C12orf42: variants seen among roughly 807,000 people sequenced by gnomAD.
C12orf42 encodes uncharacterized protein C12orf42.
Under a neutral mutation model 21.6 loss-of-function variants are expected in C12orf42, and 25 were observed. The ratio of observed to expected loss-of-function variants is 1.16; its 90% CI spans 0.84 to 1.62. The LOEUF is 1.62. Among genes scored for constraint, C12orf42 ranks in the 40% most tolerant of loss-of-function variants. The pLI is 0.00. For synonymous variants in C12orf42, 174 were observed against 175.0 expected (o/e 0.99, Z 0.05); for missense variants, 483 against 459.3 (o/e 1.05, Z -0.47).
intron 10 of C12orf42, among the ~76,000 whole-genome samples, chr12:103,238,673 G>C (rs2033574189): frequency 6.6e-6 from 1 of 152,206 alleles, no homozygotes; most frequent in Non-Finnish European, 1.5e-5. Flanking sequence ...CCATCCTTGG[G>C]AGAGATTATG....
At chr12:103,478,317 A>G (rs752658419) in intron 2 of C12orf42, 32 bp downstream of exon 2, 3 of 1,459,726 alleles carry the variant, frequency 2.1e-6, no homozygotes, top group Non-Finnish European at 1.9e-6. Flanking sequence ...ACCTAAAAAA[A>G]GTAAGAAAAT....
At chr12:103,054,816 C>T in the C12orf42 span, among the ~76,000 whole-genome samples, 2 of 151,868 alleles carry the variant, frequency 1.3e-5, no homozygotes, top group Admixed American at 1.3e-4. Flanking sequence ...AGCCTTTCTA[C>T]ACGATTGATA....
chr12:103,433,935 C>T (rs146897115), intron 2 of C12orf42, among the ~76,000 whole-genome samples: 2 of 152,284 alleles, frequency 1.3e-5, no homozygotes, highest in East Asian at 3.9e-4. Context: ...ATAATGCATC[C>T]TGAAGAATTT....
chr12:103,063,542 C>A, the C12orf42 span, among the ~76,000 whole-genome samples: 1 of 152,182 alleles, frequency 6.6e-6, no homozygotes, highest in Non-Finnish European at 1.5e-5. Flanking sequence ...ACATCCCCTC[C>A]CTGACCCATG....
downstream of C12orf42, among the ~76,000 whole-genome samples, chr12:103,300,514 T>A (rs1359830463): frequency 3.3e-5 from 5 of 152,238 alleles, no homozygotes; most frequent in Non-Finnish European, 7.3e-5. Flanking sequence ...TTTGCATTTT[T>A]AATAAATTCA....
intron 2 of C12orf42, among the ~76,000 whole-genome samples, chr12:103,419,045 T>C (rs186552914): frequency 2.8e-4 from 43 of 152,132 alleles, no homozygotes; most frequent in Admixed American, 2.4e-3. Context: ...GAAAGAGCCA[T>C]CCAAACTTAG....
intron 4 of C12orf42, among the ~76,000 whole-genome samples, chr12:103,295,640 A>C (rs908296051): frequency 1.3e-5 from 2 of 152,134 alleles, no homozygotes; most frequent in Non-Finnish European, 2.9e-5. Flanking sequence ...AGTCAGCAGA[A>C]ATTGTGCTCA....
intron 3 of C12orf42, among the ~76,000 whole-genome samples, chr12:103,393,666 T>A (rs537246063): frequency 6.6e-6 from 1 of 152,202 alleles, no homozygotes; most frequent in African/African-American, 2.4e-5. Context: ...GAAAACTCCA[T>A]GAGGTCAGAG....
intron 1 of C12orf42, among the ~76,000 whole-genome samples, chr12:103,483,338 T>C (rs1387367151): frequency 6.6e-6 from 1 of 152,092 alleles, no homozygotes; most frequent in Non-Finnish European, 1.5e-5. Flanking sequence ...GTGTCTACTC[T>C]ACTCTCAATT....
At chr12:103,107,578 C>T in the C12orf42 span, among the ~76,000 whole-genome samples, 1 of 151,728 alleles carries the variant, frequency 6.6e-6, no homozygotes, top group East Asian at 1.9e-4. Context: ...AAGATAAGCA[C>T]TACCTTTTAA....
chr12:103,455,467 TC>T, intron 2 of C12orf42, among the ~76,000 whole-genome samples: 1 of 152,098 alleles, frequency 6.6e-6, no homozygotes, highest in Middle Eastern at 3.4e-3. Flanking sequence ...AAAATTTCAT[TC>T]TCTGATCTCT....
intron 5 of C12orf42, 110 bp from the exon 6 acceptor site, chr12:103,302,669 C>G (rs2037831917): frequency 2.8e-6 from 2 of 726,066 alleles, no homozygotes; most frequent in Non-Finnish European, 4.1e-6. Context: ...GTAATGTGCT[C>G]AGAGGGGAAA....
chr12:103,544,717 T>C, the C12orf42 span, among the ~76,000 whole-genome samples: 2 of 152,256 alleles, frequency 1.3e-5, no homozygotes, highest in African/African-American at 4.8e-5. Context: ...TGCTTCATTC[T>C]GAATACTTTC....
the C12orf42 span, among the ~76,000 whole-genome samples, chr12:103,072,166 A>G: frequency 6.6e-6 from 1 of 152,190 alleles, no homozygotes; most frequent in Non-Finnish European, 1.5e-5. Flanking sequence ...CCTGGCAAGG[A>G]TGACTTTTCA....
At chr12:103,304,920 CTT>C (rs1179259332) in intron 5 of C12orf42, among the ~76,000 whole-genome samples, 2 of 152,168 alleles carry the variant, frequency 1.3e-5, no homozygotes, top group Non-Finnish European at 2.9e-5. Context: ...AAATCTATCT[CTT>C]GTCTTCTGGT....
the C12orf42 span, among the ~76,000 whole-genome samples, chr12:103,187,124 G>T: frequency 6.6e-6 from 1 of 152,110 alleles, no homozygotes; most frequent in African/African-American, 2.4e-5. Context: ...TTCTCTTGGA[G>T]GGAGGGAACT....
At chr12:103,494,525 TG>T (rs1955387578) in intron 1 of C12orf42, among the ~76,000 whole-genome samples, 1 of 151,684 alleles carries the variant, frequency 6.6e-6, no homozygotes, top group Non-Finnish European at 1.5e-5. Flanking sequence ...GGAGGATGGG[TG>T]GGGGTTTTTT....
chr12:103,284,372 A>T (rs2036312751), intron 4 of C12orf42, among the ~76,000 whole-genome samples: 1 of 152,204 alleles, frequency 6.6e-6, no homozygotes, highest in South Asian at 2.1e-4. Context: ...ACAGAGAAAC[A>T]TTCGATAATC....
intron 10 of C12orf42, among the ~76,000 whole-genome samples, chr12:103,238,128 T>C (rs905293585): frequency 8.6e-5 from 13 of 151,954 alleles, no homozygotes; most frequent in Admixed American, 6.6e-5. Context: ...GTAAGTAAAA[T>C]TCTACTGAAC....
Sources: allele counts gnomAD v4.1 joint callset (sites outside exome capture counted in the v4.1 genomes callset), GRCh38; gene constraint gnomAD v4.1.1; transcripts MANE v1.5; gene names NCBI Gene and HGNC (gene_info 2026-07-23, HGNC 2026-07-21).